FAM13A: variants seen among roughly 807,000 people sequenced by gnomAD.
The protein encoded by FAM13A is family with sequence similarity 13 member A, also known as protein FAM13A.
FAM13A carries 76 observed loss-of-function variants against 129.6 expected under a neutral mutation model. That is an observed-to-expected ratio of 0.59 (90% CI 0.49 to 0.71). FAM13A has a LOEUF of 0.71. Among genes scored for constraint, FAM13A ranks in the 30% least tolerant of loss-of-function variants. The pLI, the probability that FAM13A is intolerant of heterozygous loss-of-function variation, is 0.00. For synonymous variants in FAM13A, 443 were observed against 449.9 expected (o/e 0.98, Z 0.20); for missense variants, 1,108 against 1,249.3 (o/e 0.89, Z 1.70).
intron 4 of FAM13A, among the ~76,000 whole-genome samples, chr4:88,988,734 A>G (rs1451936645): frequency 6.6e-6 from 1 of 152,202 alleles, no homozygotes; most frequent in African/African-American, 2.4e-5. Context: ...TTTAAGGCAA[A>G]TTTATTCAAT....
intron 21 of FAM13A, among the ~76,000 whole-genome samples, chr4:88,733,449 T>C (rs928961381): frequency 5.3e-5 from 8 of 152,246 alleles, no homozygotes; most frequent in Admixed American, 1.3e-4. Flanking sequence ...TAAAATTGAC[T>C]TTTTAAATGA....
intron 10 of FAM13A, among the ~76,000 whole-genome samples, chr4:88,786,698 A>G (rs1724033144): frequency 6.6e-6 from 1 of 152,096 alleles, no homozygotes; most frequent in Non-Finnish European, 1.5e-5. Flanking sequence ...ACATTTGCTA[A>G]TATAGCTCTT....
intron 6 of FAM13A, among the ~76,000 whole-genome samples, chr4:88,891,591 A>C (rs2150165534): frequency 6.6e-6 from 1 of 152,354 alleles, no homozygotes; most frequent in South Asian, 2.1e-4. Flanking sequence ...ATATTTAAAA[A>C]TATGTATCCA....
intron 21 of FAM13A, among the ~76,000 whole-genome samples, chr4:88,733,440 A>G (rs1445879894): frequency 6.6e-6 from 1 of 152,248 alleles, no homozygotes; most frequent in Non-Finnish European, 1.5e-5. Flanking sequence ...TTTACAAAGT[A>G]AAATTGACTT....
Position 88,935,853 on chromosome 4 carries a change from G to A in FAM13A, c.759+2235C>T, listed in dbSNP as rs546011026. The stretch of plus-strand genomic sequence containing the variant: ...CTTCTATTTCATCCTTACTCGTTAC[G>A]ATTAAGTCCAGAGAATCACACCCCT... On this transcript the variant is annotated intron_variant, in intron 5 of 23. Coordinates refer to ENST00000264344, the MANE Select transcript of FAM13A (RefSeq NM_014883.4). 6.6e-4 allele frequency among the ~76,000 whole-genome samples: 101 copies of A among 151,896 alleles called. 1 individual carries two copies. The highest frequency in any genetic ancestry group is 2.2e-3 in the African/African-American group (91 of 41,404).
chr4:88,938,283 A>C, intron 4 of FAM13A, 42 bp from the exon 5 acceptor site: 1 of 1,505,884 alleles, frequency 6.6e-7, no homozygotes, highest in South Asian at 1.2e-5. Flanking sequence ...CTTAGTAAAC[A>C]CAACAGTGCC....
At chr4:89,043,499 A>G (rs1184002257) in intron 1 of FAM13A, among the ~76,000 whole-genome samples, 3 of 152,144 alleles carry the variant, frequency 2.0e-5, no homozygotes, top group Non-Finnish European at 4.4e-5. Context: ...TATACCCCAT[A>G]GGAAACTCTT....
intron 4 of FAM13A, among the ~76,000 whole-genome samples, chr4:88,967,477 G>A (rs1419206610): frequency 2.0e-5 from 3 of 152,148 alleles, no homozygotes; most frequent in Non-Finnish European, 4.4e-5. Flanking sequence ...TTATGAGCAC[G>A]TTTATTGGTA....
chr4:88,833,178 A>C (rs1234414673), intron 7 of FAM13A, among the ~76,000 whole-genome samples: 1 of 152,224 alleles, frequency 6.6e-6, no homozygotes. Flanking sequence ...GAGCTGAACG[A>C]AGAGAACACA....
chr4:88,892,240 C>A (rs1338282219), intron 6 of FAM13A, among the ~76,000 whole-genome samples: 2 of 134,224 alleles, frequency 1.5e-5, no homozygotes, highest in African/African-American at 5.7e-5. Flanking sequence ...AGTGCAGTGG[C>A]GAGATCTCGG....
At chr4:88,756,329 T>C (rs1354635788) in intron 14 of FAM13A, among the ~76,000 whole-genome samples, 3 of 152,242 alleles carry the variant, frequency 2.0e-5, no homozygotes, top group African/African-American at 7.2e-5. Context: ...TTTATTAGTT[T>C]CATTTCCCTT....
rs536709749 is a variant in FAM13A, at chr4:88,988,456, G to A, written c.605+2517C>T. On this transcript the variant is annotated intron_variant, in intron 4 of 23. Transcript: ENST00000264344. ...GTAGCAAAAATTCCTCATTTTTAAG[G>A]ATGCATTATTAAGTATTTAACAGTG... is the stretch of plus-strand genomic sequence containing the variant. Among the ~76,000 whole-genome samples the A allele has an allele frequency of 1.2e-4, 19 of 152,272 alleles. 1 individual carries two copies. In the South Asian group the frequency reaches 3.9e-3, roughly 32 times the overall value.
At chr4:88,821,608 C>T (rs890713931) in intron 7 of FAM13A, among the ~76,000 whole-genome samples, 1 of 152,054 alleles carries the variant, frequency 6.6e-6, no homozygotes, top group Non-Finnish European at 1.5e-5. Flanking sequence ...ATCTAGAATA[C>T]AATTCGCTTA....
At chr4:88,963,663 G>T (rs1224277929) in intron 4 of FAM13A, among the ~76,000 whole-genome samples, 1 of 152,142 alleles carries the variant, frequency 6.6e-6, no homozygotes, top group East Asian at 1.9e-4. Flanking sequence ...TTTCCCTGGA[G>T]TAATAAGACA....
chr4:88,828,190 G>A (rs1733336449), intron 7 of FAM13A, among the ~76,000 whole-genome samples: 1 of 152,188 alleles, frequency 6.6e-6, no homozygotes, highest in Non-Finnish European at 1.5e-5. Flanking sequence ...AGGCTGGAGT[G>A]TAATGGCAGG....
At chr4:88,774,404 C>A (rs530440204) in intron 11 of FAM13A, among the ~76,000 whole-genome samples, 4 of 152,188 alleles carry the variant, frequency 2.6e-5, no homozygotes, top group South Asian at 4.1e-4. Context: ...TAGTGCTTGT[C>A]ATATAGTTAG....
At chr4:89,020,759 A>C in intron 2 of FAM13A, 90 bp from the exon 3 acceptor site, 98 of 817,946 alleles carry the variant, frequency 1.2e-4, no homozygotes, top group Non-Finnish European at 1.9e-4. Context: ...AAGAAATCTC[A>C]GCATATGATT....
At chr4:88,748,912 G>T in intron 17 of FAM13A, 40 bp downstream of exon 17, 1 of 1,410,720 alleles carries the variant, frequency 7.1e-7, no homozygotes, top group Non-Finnish European at 1.0e-6. Context: ...TCTGCACCTG[G>T]CTTGTTGTAC....
At chr4:88,789,467 G>C (rs1004941793) in intron 9 of FAM13A, among the ~76,000 whole-genome samples, 1 of 152,116 alleles carries the variant, frequency 6.6e-6, no homozygotes, top group Non-Finnish European at 1.5e-5. Context: ...TCCTTGCCAA[G>C]AGAAGATGCT....
Sources: gnomAD v4.1 joint callset for allele counts (sites outside exome capture counted in the v4.1 genomes callset) on GRCh38, gnomAD v4.1.1 for gene constraint, MANE v1.5 for transcripts, NCBI Gene and HGNC (gene_info 2026-07-23, HGNC 2026-07-21) for gene names.